The following PCNX2 variants were observed in gnomAD, a reference collection of about 807,000 sequenced individuals.
PCNX2 encodes the protein pecanex-like protein 2.
In PCNX2, 168 loss-of-function variants were observed where a neutral mutation model predicts 223.8. The observed-to-expected ratio is 0.75, with a 90% confidence interval of 0.66 to 0.85. The LOEUF (loss-of-function observed/expected upper bound fraction) is 0.85, where lower values mean the gene tolerates loss of function less well. Among genes scored for constraint, PCNX2 ranks in the 40% least tolerant of loss-of-function variants. The probability of loss-of-function intolerance (pLI) is 0.00; values close to 1 mark genes in which losing one functional copy is unlikely to be tolerated. For synonymous variants in PCNX2, 1,006 were observed against 1,052.6 expected (o/e 0.96, Z 0.86); for missense variants, 2,507 against 2,675.5 (o/e 0.94, Z 1.39).
At chr1:233,221,993 T>C (rs1490073997) in intron 10 of PCNX2, among the ~76,000 whole-genome samples, 1 of 152,182 alleles carries the variant, frequency 6.6e-6, no homozygotes, top group Non-Finnish European at 1.5e-5. Context: ...TCCTTTCCTG[T>C]GAGTGGTGCC....
intron 21 of PCNX2, among the ~76,000 whole-genome samples, chr1:233,117,014 G>C (rs1000357953): frequency 6.6e-6 from 1 of 152,234 alleles, no homozygotes; most frequent in South Asian, 2.1e-4. Flanking sequence ...ACAACACATA[G>C]TACAACAGAA....
intron 28 of PCNX2, among the ~76,000 whole-genome samples, chr1:233,006,863 G>C (rs1290162629): frequency 6.6e-6 from 1 of 152,110 alleles, no homozygotes; most frequent in Non-Finnish European, 1.5e-5. Flanking sequence ...CATGTTTACT[G>C]ATTAGTAACA....
At chr1:232,987,568 G>A (rs1032711071) in intron 32 of PCNX2, among the ~76,000 whole-genome samples, 2 of 152,230 alleles carry the variant, frequency 1.3e-5, no homozygotes, top group African/African-American at 4.8e-5. Flanking sequence ...GCGGAGGCAT[G>A]AGTATCAGAA....
intron 12 of PCNX2, 107 bp downstream of exon 12, chr1:233,217,792 T>C (rs2102927764): frequency 8.7e-7 from 1 of 1,145,452 alleles, no homozygotes; most frequent in Non-Finnish European, 1.2e-6. Context: ...TTATATTCAG[T>C]ATAGAGAGCT....
In PCNX2 at chr1:233,200,265, C is replaced by T; in HGVS notation, c.2864-1G>A. On this transcript the variant is annotated splice_acceptor_variant, in intron 13 of 33. Coordinates refer to ENST00000258229, the MANE Select transcript of PCNX2 (RefSeq NM_014801.4). LOFTEE classifies it high-confidence loss of function. ...ATAGCAGGGAAGCAATATAAAAATA[C>T]TGAAAATGAACAAACAAAATTGACG... 6.4e-7 allele frequency: 1 copy of T among 1,556,486 alleles called. No homozygotes were observed. The highest frequency in any genetic ancestry group is 8.7e-7 in the Non-Finnish European group (1 of 1,147,256).
chr1:233,021,007 G>T (rs192882673), intron 26 of PCNX2, among the ~76,000 whole-genome samples: 2 of 152,236 alleles, frequency 1.3e-5, no homozygotes, highest in African/African-American at 4.8e-5. Context: ...AGGCAACTTT[G>T]TTCACCTAGC....
chr1:233,267,496 G>A (rs1485521254), intron 1 of PCNX2, among the ~76,000 whole-genome samples: 1 of 151,888 alleles, frequency 6.6e-6, no homozygotes, highest in Non-Finnish European at 1.5e-5. Flanking sequence ...AACTGAAACT[G>A]TACCCATTAA....
chr1:233,167,113 A>T (rs1043355162), intron 17 of PCNX2, among the ~76,000 whole-genome samples: 1 of 152,256 alleles, frequency 6.6e-6, no homozygotes, highest in Non-Finnish European at 1.5e-5. Flanking sequence ...AGCACTGTTC[A>T]CAATAGCCAA....
intron 9 of PCNX2, among the ~76,000 whole-genome samples, chr1:233,232,136 T>C (rs976434990): frequency 6.6e-6 from 1 of 152,232 alleles, no homozygotes; most frequent in Non-Finnish European, 1.5e-5. Context: ...ACAGTGGCTA[T>C]GTTTAGCAGC....
chr1:233,229,352 A>G (rs1657925467), intron 9 of PCNX2, among the ~76,000 whole-genome samples: 1 of 152,212 alleles, frequency 6.6e-6, no homozygotes, highest in African/African-American at 2.4e-5. Flanking sequence ...TGTAAGTGCT[A>G]CTTGTGCCTG....
At chr1:232,993,709 G>A (rs1435353822) in intron 32 of PCNX2, among the ~76,000 whole-genome samples, 1 of 152,244 alleles carries the variant, frequency 6.6e-6, no homozygotes, top group East Asian at 1.9e-4. Flanking sequence ...TCCCATCACA[G>A]GCCTGGAGGC....
In PCNX2 at chr1:233,001,501, T is replaced by C; in HGVS notation, c.5097+36A>G. ...TCTCATAAATAAATAAATAAATAAA[T>C]AAATAAATAAATAAATAAATAAAAT... On this transcript the variant is annotated intron_variant, in intron 29 of 33. Coordinates refer to ENST00000258229, the MANE Select transcript of PCNX2 (RefSeq NM_014801.4). This position sits in a 1 kb window ranked among gnomAD's most constrained non-coding sequence, Gnocchi z 4.2. 3 of 1,144,356 alleles carry C rather than the reference T, an allele frequency of 2.6e-6. No individual in the cohort carries two copies. Among genetic ancestry groups the C allele is most frequent in the Non-Finnish European group, 3.3e-6 (3 of 903,788 alleles). The allele number at this position is 1,144,356 out of a possible 1,614,324, so 70.9% of individuals were successfully genotyped here. A position where few individuals can be genotyped will look rare whatever the true frequency, so the allele number is the denominator to read the frequency against.
rs112103977 is a variant in PCNX2 at position 233,101,588 on chromosome 1, C to T, written c.3838-5725G>A. ...GGAGCATGGTAATGCATAAGGGATA[C>T]CATCCATGATAAAAATAATATAATC... On this transcript the variant is annotated intron_variant, in intron 21 of 33. Coordinates refer to ENST00000258229, the MANE Select transcript of PCNX2 (RefSeq NM_014801.4). Among the ~76,000 whole-genome samples the T allele has an allele frequency of 8.6e-3, 1,313 of 152,048 alleles. 8 individuals carry two copies. The highest frequency in any genetic ancestry group is 0.014 in the Non-Finnish European group (961 of 67,994).
the PCNX2 span, among the ~76,000 whole-genome samples, chr1:233,310,666 G>A: frequency 6.6e-6 from 1 of 152,146 alleles, no homozygotes; most frequent in African/African-American, 2.4e-5. Flanking sequence ...CTCTGTCCCT[G>A]TGTATTGCTG....
At chr1:233,033,774 A>G (rs1467771591) in intron 25 of PCNX2, among the ~76,000 whole-genome samples, 1 of 152,254 alleles carries the variant, frequency 6.6e-6, no homozygotes, top group African/African-American at 2.4e-5. Context: ...ATCATCCAAG[A>G]GTAGATTCTA....
intron 28 of PCNX2, among the ~76,000 whole-genome samples, chr1:233,007,255 C>A (rs951652112): frequency 2.6e-5 from 4 of 151,510 alleles, no homozygotes; most frequent in African/African-American, 9.7e-5. Flanking sequence ...GAAGGAGACA[C>A]CTTCCATTTG....
At chr1:233,247,114 G>A (rs927618505) in intron 8 of PCNX2, among the ~76,000 whole-genome samples, 2 of 152,216 alleles carry the variant, frequency 1.3e-5, no homozygotes, top group Admixed American at 6.5e-5. Flanking sequence ...CCAGAAGATC[G>A]TCTGACGGAC....
At chr1:232,984,658 C>G (rs778670754) in intron 33 of PCNX2, 181 bp from the exon 34 acceptor site, 1 of 598,122 alleles carries the variant, frequency 1.7e-6, no homozygotes, top group African/African-American at 1.9e-5. Flanking sequence ...GAGGACAGGA[C>G]GGGCAACTGA....
chr1:233,289,479 G>A (rs537656102), intron 1 of PCNX2: 13 of 932,534 alleles, frequency 1.4e-5, no homozygotes, highest in South Asian at 2.7e-5. Context: ...GCCGAGCGCC[G>A]GCTTAGGAAG....
Sources: gnomAD v4.1 joint callset for allele counts (sites outside exome capture counted in the v4.1 genomes callset) on GRCh38, gnomAD v4.1.1 for gene constraint, Gnocchi (gnomAD v3.1) non-coding constraint, MANE v1.5 for transcripts, NCBI Gene and HGNC (gene_info 2026-07-23, HGNC 2026-07-21) for gene names.